Variants in NWD2 observed in about 807,000 individuals in gnomAD.
NWD2 encodes NACHT and WD repeat domain-containing protein 2.
In NWD2, 37 loss-of-function variants were observed where a neutral mutation model predicts 132.7. That is an observed-to-expected ratio of 0.28 (90% confidence interval 0.21 to 0.37). The LOEUF (loss-of-function observed/expected upper bound fraction) is 0.37. Ranked by LOEUF, NWD2 falls within the 10% of genes least tolerant of loss-of-function variation. The pLI is 1.00. For synonymous variants in NWD2, 705 were observed against 803.0 expected (o/e 0.88, Z 2.06); for missense variants, 1,592 against 2,122.4 (o/e 0.75, Z 4.91).
At chr4:37,280,371 G>A (rs988254578) in intron 1 of NWD2, among the ~76,000 whole-genome samples, 1 of 152,102 alleles carries the variant, frequency 6.6e-6, no homozygotes, top group Admixed American at 6.6e-5. Flanking sequence ...AACCAGCCCT[G>A]CACTGGAGGT....
At chr4:37,406,362 A>G (rs1721043081) in intron 3 of NWD2, among the ~76,000 whole-genome samples, 1 of 152,180 alleles carries the variant, frequency 6.6e-6, no homozygotes, top group Non-Finnish European at 1.5e-5. Flanking sequence ...GGACAGCACC[A>G]TCTGTCAAGA....
intron 1 of NWD2, among the ~76,000 whole-genome samples, chr4:37,301,327 A>G (rs1718607902): frequency 6.6e-6 from 1 of 151,980 alleles, no homozygotes; most frequent in African/African-American, 2.4e-5. Context: ...TTGTGCCTGG[A>G]ATTTGTTGAC....
At chr4:37,392,975 C>T (rs1477858024) in intron 3 of NWD2, among the ~76,000 whole-genome samples, 2 of 152,184 alleles carry the variant, frequency 1.3e-5, no homozygotes, top group South Asian at 4.1e-4. Context: ...ATTCTCTTGA[C>T]CCAAATCTCG....
At chr4:37,388,419 G>A (rs1720611051) in intron 3 of NWD2, among the ~76,000 whole-genome samples, 1 of 151,948 alleles carries the variant, frequency 6.6e-6, no homozygotes, top group Admixed American at 6.6e-5. Flanking sequence ...CCTGACCTCA[G>A]ATGATCTGCC....
At chr4:37,327,917 C>A (rs937743660) in intron 2 of NWD2, among the ~76,000 whole-genome samples, 1 of 152,044 alleles carries the variant, frequency 6.6e-6, no homozygotes, top group Non-Finnish European at 1.5e-5. Flanking sequence ...TCAAACATAC[C>A]GGTCTACTTC....
chr4:37,246,209 G>A (rs115775795), intron 1 of NWD2, among the ~76,000 whole-genome samples: 1,828 of 152,304 alleles, frequency 0.012, 44 homozygotes, highest in African/African-American at 0.041. Flanking sequence ...AAGAGTCGAG[G>A]AGAAAAGTCC....
At chr4:37,425,251 A>G (rs534961881) in intron 3 of NWD2, among the ~76,000 whole-genome samples, 4 of 152,356 alleles carry the variant, frequency 2.6e-5, no homozygotes, top group African/African-American at 4.8e-5. Flanking sequence ...ACCTCTATCC[A>G]GTTCCAAACC....
intron 1 of NWD2, among the ~76,000 whole-genome samples, chr4:37,263,424 T>C (rs1717686051): frequency 2.6e-5 from 4 of 152,248 alleles, no homozygotes; most frequent in Middle Eastern, 6.8e-3. Flanking sequence ...CAAAGATTGC[T>C]TGGGTCTTGG....
At chr4:37,286,530 G>A (rs917991625) in intron 1 of NWD2, among the ~76,000 whole-genome samples, 6 of 152,184 alleles carry the variant, frequency 3.9e-5, no homozygotes, top group African/African-American at 1.4e-4. Context: ...ATGATTGCAT[G>A]GGGAAGAGAA....
At chr4:37,385,796 T>C (rs1377619040) in intron 3 of NWD2, among the ~76,000 whole-genome samples, 1 of 152,118 alleles carries the variant, frequency 6.6e-6, no homozygotes, top group East Asian at 1.9e-4. Flanking sequence ...AGAAATTAAC[T>C]GGGAGGAAGG....
intron 3 of NWD2, among the ~76,000 whole-genome samples, chr4:37,368,184 A>G (rs1439893222): frequency 6.6e-6 from 1 of 152,120 alleles, no homozygotes; most frequent in Non-Finnish European, 1.5e-5. Context: ...GGACTTTTTC[A>G]TCTAATTTCC....
intron 1 of NWD2, among the ~76,000 whole-genome samples, chr4:37,318,301 C>G (rs1427537610): frequency 6.6e-6 from 1 of 152,148 alleles, no homozygotes; most frequent in Admixed American, 6.5e-5. Context: ...GCTGGGATTA[C>G]AGGCATGAGC....
intron 2 of NWD2, among the ~76,000 whole-genome samples, chr4:37,341,154 A>G (rs1719510550): frequency 6.6e-6 from 1 of 152,204 alleles, no homozygotes; most frequent in Non-Finnish European, 1.5e-5. Flanking sequence ...TTCACTTTCA[A>G]TACAGTATTC....
rs562450125 is a variant in NWD2 at position 37,272,570 on chromosome 4, C to T, written c.151+27352C>T. Among the ~76,000 whole-genome samples the T allele has an allele frequency of 2.6e-5, 4 of 151,760 alleles. No individual in the cohort carries two copies. In the East Asian group the frequency reaches 7.7e-4, roughly 29 times the overall value. On this transcript the variant is annotated intron_variant, in intron 1 of 6. Transcript: ENST00000309447. ...TTGATATTGTTAGCATAAAATTGTG[C>T]ATATTCGTTTTTTATTTTATTGGTA...
intron 3 of NWD2, among the ~76,000 whole-genome samples, chr4:37,421,326 C>G (rs556020559): frequency 6.6e-6 from 1 of 152,198 alleles, no homozygotes; most frequent in Non-Finnish European, 1.5e-5. Context: ...GAGCAAACTC[C>G]GGAATGGCTC....
rs543448665 is a variant in NWD2 at position 37,318,046 on chromosome 4, A to G, written c.152-7890A>G. 2.9e-5 allele frequency among the ~76,000 whole-genome samples: 4 copies of G among 137,588 alleles called. No individual in the cohort carries two copies. The East Asian group carries it at 8.2e-4, about 28-fold the overall frequency. The allele number at this position is 137,588 out of a possible 152,430, so 90.3% of individuals were successfully genotyped here. ...TTTTTTTTTTTTTTTTTTGAGACGA[A>G]GTCTCGCTCTTGTCTGTCACCCAAC... On this transcript the variant is annotated intron_variant, in intron 1 of 6. Transcript: ENST00000309447.
At chr4:37,378,824 A>G (rs1720398769) in intron 3 of NWD2, among the ~76,000 whole-genome samples, 1 of 152,210 alleles carries the variant, frequency 6.6e-6, no homozygotes, top group Non-Finnish European at 1.5e-5. Flanking sequence ...AGTTTAAAGA[A>G]TTAGGCTTTT....
intron 3 of NWD2, among the ~76,000 whole-genome samples, chr4:37,378,732 T>C (rs1010512912): frequency 1.9e-4 from 29 of 152,358 alleles, no homozygotes; most frequent in African/African-American, 6.7e-4. Context: ...CTTCTAAATG[T>C]AATTTTGTAA....
intron 1 of NWD2, among the ~76,000 whole-genome samples, chr4:37,262,207 G>GAAGTCAACT (rs1717651447): frequency 6.6e-6 from 1 of 152,180 alleles, no homozygotes; most frequent in Admixed American, 6.5e-5. Context: ...TTATCTCATT[G>GAAGTCAACT]TAATTCATAG....
Sources: gnomAD v4.1 joint callset for allele counts (sites outside exome capture counted in the v4.1 genomes callset) on GRCh38, gnomAD v4.1.1 for gene constraint, MANE v1.5 for transcripts, NCBI Gene and HGNC (gene_info 2026-07-23, HGNC 2026-07-21) for gene names.